Variants in MYT1L observed in about 807,000 individuals in gnomAD.
The protein encoded by MYT1L is myelin transcription factor 1-like protein.
MYT1L carries 12 observed loss-of-function variants against 126.7 expected under a neutral mutation model. The observed-to-expected ratio is 0.09, with a 90% CI of 0.06 to 0.15. The LOEUF (loss-of-function observed/expected upper bound fraction) is 0.15, where lower values mean the gene tolerates loss of function less well. Among genes scored for constraint, MYT1L ranks in the 10% least tolerant of loss-of-function variants. The probability of loss-of-function intolerance (pLI) is 1.00; values close to 1 mark genes in which losing one functional copy is unlikely to be tolerated. For missense variants in MYT1L, 979 were observed against 1,585.2 expected (o/e 0.62, Z 6.49); for synonymous variants, 541 against 604.2 (o/e 0.90, Z 1.53).
intron 3 of MYT1L, among the ~76,000 whole-genome samples, chr2:2,063,831 T>G (rs1558896290): frequency 6.6e-6 from 1 of 151,744 alleles, no homozygotes; most frequent in Non-Finnish European, 1.5e-5. Context: ...GTGACAAGAG[T>G]GAAACTCTGT....
At chr2:2,316,379 G>A (rs532634915) in intron 1 of MYT1L, among the ~76,000 whole-genome samples, 11 of 152,262 alleles carry the variant, frequency 7.2e-5, no homozygotes, top group Admixed American at 7.2e-4. Flanking sequence ...AGTAGGACAT[G>A]GATTGTATAA....
At chr2:1,813,834 T>C (rs1012015446) in intron 21 of MYT1L, among the ~76,000 whole-genome samples, 15 of 129,854 alleles carry the variant, frequency 1.2e-4, no homozygotes, top group African/African-American at 2.0e-4. Context: ...GAGACCATCC[T>C]GGCTAACACG....
intron 1 of MYT1L, among the ~76,000 whole-genome samples, chr2:2,295,187 G>A (rs2095652972): frequency 6.6e-6 from 1 of 152,178 alleles, no homozygotes; most frequent in Non-Finnish European, 1.5e-5. Flanking sequence ...AGACAGAGGA[G>A]CCAGGATCAG....
At chr2:1,851,515 G>A in intron 19 of MYT1L, 126 bp downstream of exon 19, 1 of 855,544 alleles carries the variant, frequency 1.2e-6, no homozygotes, top group Non-Finnish European at 1.9e-6. Flanking sequence ...GGCGCTAAGA[G>A]TCTCTAGATC....
At chr2:2,037,627 A>G (rs1210273457) in intron 4 of MYT1L, among the ~76,000 whole-genome samples, 1 of 151,782 alleles carries the variant, frequency 6.6e-6, no homozygotes, top group Non-Finnish European at 1.5e-5. Context: ...ATGGTGGTGC[A>G]TGCCTGTAAT....
At chr2:2,325,179 C>A (rs1339136534) in intron 1 of MYT1L, 1 of 152,182 alleles carries the variant, frequency 6.6e-6, no homozygotes, top group Non-Finnish European at 1.5e-5. Flanking sequence ...GCTGAACCTA[C>A]AGTATTTTAG....
chr2:1,896,505 T>C (rs553895039), intron 14 of MYT1L, among the ~76,000 whole-genome samples: 112 of 152,294 alleles, frequency 7.4e-4, no homozygotes, highest in African/African-American at 2.6e-3. Flanking sequence ...TATGCAGCCA[T>C]AAAAACAATA....
chr2:2,038,392 A>C (rs1322425716), intron 4 of MYT1L, among the ~76,000 whole-genome samples: 8 of 152,112 alleles, frequency 5.3e-5, no homozygotes, highest in Non-Finnish European at 1.0e-4. Flanking sequence ...ACACCATCAG[A>C]TCTAACATCA....
At chr2:2,268,420 C>T (rs962078794) in intron 2 of MYT1L, among the ~76,000 whole-genome samples, 11 of 152,140 alleles carry the variant, frequency 7.2e-5, no homozygotes, top group Middle Eastern at 3.4e-3. Context: ...GATTAAAATG[C>T]AAAATATTTT....
chr2:2,085,702 A>G (rs1482629341), intron 3 of MYT1L, among the ~76,000 whole-genome samples: 1 of 152,094 alleles, frequency 6.6e-6, no homozygotes, highest in Non-Finnish European at 1.5e-5. Flanking sequence ...TAATGTTGGC[A>G]AAATTGAATT....
Position 2,279,580 on chromosome 2 carries a change from G to T in MYT1L, c.-421+4824C>A, listed in dbSNP as rs934720490. Among the ~76,000 whole-genome samples the T allele has an allele frequency of 1.1e-4, 16 of 149,244 alleles. No homozygotes were observed. In the East Asian group the frequency reaches 1.6e-3, roughly 15 times the overall value. On this transcript the variant is annotated intron_variant, in intron 2 of 24. Coordinates refer to ENST00000647738, the MANE Select transcript of MYT1L (RefSeq NM_001303052.2). Reference sequence around the variant, plus strand: ...AGGAATGAATGAATGAAGGAAGGAAGGAAGGAAGGAAGGAAGGAAGGAAGG... The same window carrying T: ...AGGAATGAATGAATGAAGGAAGGAATGAAGGAAGGAAGGAAGGAAGGAAGG...
intron 3 of MYT1L, among the ~76,000 whole-genome samples, chr2:2,106,865 C>T (rs1326009379): frequency 6.6e-6 from 1 of 152,226 alleles, no homozygotes; most frequent in Non-Finnish European, 1.5e-5. Context: ...CCAGAGCAGA[C>T]ATCCAGTGTC....
At chr2:2,178,158 G>A (rs1559239694) in intron 2 of MYT1L, among the ~76,000 whole-genome samples, 2 of 152,030 alleles carry the variant, frequency 1.3e-5, no homozygotes, top group Non-Finnish European at 2.9e-5. Context: ...AAAATAAACT[G>A]AAAAATTTAA....
chr2:2,316,628 G>A (rs891566148), intron 1 of MYT1L, among the ~76,000 whole-genome samples: 12 of 152,164 alleles, frequency 7.9e-5, no homozygotes, highest in East Asian at 1.9e-4. Context: ...CGGCACGTAC[G>A]TTTCTGTGAA....
chr2:2,155,825 T>G (rs2086631355), intron 3 of MYT1L, among the ~76,000 whole-genome samples: 1 of 152,172 alleles, frequency 6.6e-6, no homozygotes, highest in Admixed American at 6.5e-5. Flanking sequence ...TCAACATCAC[T>G]CCTTACTCCT....
At chr2:1,988,680 G>A (rs2061236690) in intron 5 of MYT1L, among the ~76,000 whole-genome samples, 1 of 152,216 alleles carries the variant, frequency 6.6e-6, no homozygotes, top group Admixed American at 6.5e-5. Flanking sequence ...ATTGGGTGGT[G>A]GAGAGGACTG....
intron 18 of MYT1L, among the ~76,000 whole-genome samples, chr2:1,875,711 A>G (rs1261857781): frequency 6.6e-6 from 1 of 152,096 alleles, no homozygotes; most frequent in Non-Finnish European, 1.5e-5. Flanking sequence ...TTTGATAATC[A>G]GATTATTGCC....
intron 3 of MYT1L, among the ~76,000 whole-genome samples, chr2:2,075,272 G>C (rs2075087728): frequency 6.6e-6 from 1 of 152,200 alleles, no homozygotes; most frequent in Non-Finnish European, 1.5e-5. Flanking sequence ...GACGTTCTTA[G>C]AGAGGATTCT....
At chr2:2,067,411 G>A (rs1327888614) in intron 3 of MYT1L, among the ~76,000 whole-genome samples, 3 of 152,140 alleles carry the variant, frequency 2.0e-5, no homozygotes, top group African/African-American at 7.2e-5. Flanking sequence ...CATATGCAAA[G>A]AAAATTTAAG....
Sources: gnomAD v4.1 joint callset for allele counts (sites outside exome capture counted in the v4.1 genomes callset) on GRCh38, gnomAD v4.1.1 for gene constraint, MANE v1.5 for transcripts, NCBI Gene and HGNC (gene_info 2026-07-23, HGNC 2026-07-21) for gene names.